The following CENPC variants were observed in gnomAD, a reference collection of about 807,000 sequenced individuals.
CENPC encodes the protein centromere protein C.
CENPC carries 63 observed loss-of-function variants against 112.1 expected under a neutral mutation model. The ratio of observed to expected loss-of-function variants is 0.56; its 90% CI spans 0.46 to 0.69. The LOEUF (loss-of-function observed/expected upper bound fraction) is 0.69, where lower values mean the gene tolerates loss of function less well. Among genes scored for constraint, CENPC ranks in the 30% least tolerant of loss-of-function variants. The pLI, the probability that CENPC is intolerant of heterozygous loss-of-function variation, is 0.00. For synonymous variants in CENPC, 333 were observed against 367.6 expected, an observed-to-expected ratio of 0.91 and a Z score of 1.08; for missense variants, 1,000 against 1,103.8, an observed-to-expected ratio of 0.91 and a Z score of 1.33.
At chr4:67,477,278 C>T (rs1724831245) in intron 17 of CENPC, among the ~76,000 whole-genome samples, 1 of 152,154 alleles carries the variant, frequency 6.6e-6, no homozygotes, top group Non-Finnish European at 1.5e-5. Flanking sequence ...AAACTACAAC[C>T]AAAGACCGTC....
intron 9 of CENPC, chr4:67,510,581 A>C: frequency 6.1e-6 from 1 of 164,328 alleles, no homozygotes; most frequent in Non-Finnish European, 1.3e-5. Context: ...GTGCAAGTAC[A>C]GAGCCCGAAC....
intron 4 of CENPC, among the ~76,000 whole-genome samples, chr4:67,539,415 G>A (rs1170969573): frequency 6.6e-6 from 1 of 152,206 alleles, no homozygotes; most frequent in East Asian, 1.9e-4. Flanking sequence ...GTATAGTTAA[G>A]TCAACCAATA....
At position 67,489,146 on chromosome 4, in the gene CENPC, A is replaced by G. The variant is rs187412797; in HGVS notation, c.2670+821T>C. On this transcript the variant is annotated intron_variant, in intron 17 of 18. Transcript: ENST00000273853. ...TCAAATTCTATATTCTACAATTTTC[A>G]AACTCAGACTACAAATATTTTTTAT... Among the ~76,000 whole-genome samples the G allele has an allele frequency of 5.3e-3, 810 of 151,914 alleles. 24 individuals are homozygous for G. The highest frequency in any genetic ancestry group is 0.046 in the Admixed American group (704 of 15,238).
At chr4:67,541,115 A>G in intron 2 of CENPC, 65 bp from the exon 3 acceptor site, 2 of 941,148 alleles carry the variant, frequency 2.1e-6, no homozygotes, top group Non-Finnish European at 3.3e-6. Context: ...CATCTCTTTG[A>G]AAATTCCACA....
At chr4:67,493,144 C>T in intron 14 of CENPC, 147 bp from the exon 15 acceptor site, 1 of 584,570 alleles carries the variant, frequency 1.7e-6, no homozygotes. Flanking sequence ...AAATACCAAC[C>T]AATTTCATTA....
intron 4 of CENPC, among the ~76,000 whole-genome samples, chr4:67,537,027 T>TAAAAAAA (rs74550952): frequency 1.0e-5 from 1 of 97,194 alleles, no homozygotes; most frequent in Non-Finnish European, 2.1e-5. Context: ...TACCTCTAAT[T>TAAAAAAA]AAAAAAAAAA....
At chr4:67,519,137 T>C (rs1726144028) in intron 6 of CENPC, 80 bp downstream of exon 6, 2 of 1,011,004 alleles carry the variant, frequency 2.0e-6, no homozygotes, top group Non-Finnish European at 2.8e-6. Flanking sequence ...TAAAATAATA[T>C]AACAAGATTG....
chr4:67,480,533 C>CA (rs1391652164), intron 17 of CENPC, among the ~76,000 whole-genome samples: 2 of 150,960 alleles, frequency 1.3e-5, no homozygotes, highest in African/African-American at 4.9e-5. Flanking sequence ...TCAACAACAA[C>CA]AAAAAAGTCC....
At position 67,510,585 on chromosome 4, in the gene CENPC, C is replaced by A. The variant is rs543942521; in HGVS notation, c.1613-1480G>T. ...TTTTCAGGTCTGTGCAAGTACAGAG[C>A]CCGAACTGATACAATCCTGTGACTG... On this transcript the variant is annotated intron_variant, in intron 9 of 18. Coordinates refer to ENST00000273853, the MANE Select transcript of CENPC (RefSeq NM_001812.4). 4.1e-5 allele frequency: 7 copies of A among 171,122 alleles called. 1 individual carries two copies. The South Asian group carries it at 1.1e-3, about 26-fold the overall frequency. 10.6% of individuals were successfully genotyped at this position (171,122 alleles called of 1,614,324 possible). A position where few individuals can be genotyped will look rare whatever the true frequency, so the allele number is the denominator to read the frequency against.
chr4:67,510,623 T>G, intron 9 of CENPC: 1 of 176,976 alleles, frequency 5.7e-6, no homozygotes, highest in South Asian at 1.4e-4. Flanking sequence ...TGCCTTAAAT[T>G]TTTCACCCTA....
At chr4:67,531,259 A>T (rs1726540196) in intron 4 of CENPC, among the ~76,000 whole-genome samples, 1 of 152,226 alleles carries the variant, frequency 6.6e-6, no homozygotes, top group African/African-American at 2.4e-5. Context: ...AAACTACAAT[A>T]ATATAAATTA....
intron 4 of CENPC, among the ~76,000 whole-genome samples, chr4:67,539,429 T>C (rs752819112): frequency 5.9e-5 from 9 of 152,214 alleles, no homozygotes; most frequent in Admixed American, 2.0e-4. Flanking sequence ...ACCAATACTT[T>C]ATTTCTGATC....
At chr4:67,517,204 T>C (rs535697534) in intron 7 of CENPC, among the ~76,000 whole-genome samples, 3 of 151,920 alleles carry the variant, frequency 2.0e-5, no homozygotes, top group African/African-American at 7.3e-5. Flanking sequence ...CTCTGTCACC[T>C]AGGCTAGAGT....
chr4:67,485,532 G>A (rs975269646), intron 17 of CENPC, among the ~76,000 whole-genome samples: 1 of 152,156 alleles, frequency 6.6e-6, no homozygotes, highest in South Asian at 2.1e-4. Flanking sequence ...CCTGAGTGCA[G>A]AGCCTTCAGG....
At chr4:67,483,548 T>TA (rs71219045) in intron 17 of CENPC, among the ~76,000 whole-genome samples, 32,076 of 143,920 alleles carry the variant, frequency 0.22, 4,031 homozygotes, top group Middle Eastern at 0.37. Context: ...ACCACTTATA[T>TA]AAAAAAAAAA....
At chr4:67,508,612 T>G (rs964147579) in intron 10 of CENPC, among the ~76,000 whole-genome samples, 1 of 151,754 alleles carries the variant, frequency 6.6e-6, no homozygotes, top group Non-Finnish European at 1.5e-5. Context: ...CTATTCCCTA[T>G]TTTAATATGA....
chr4:67,533,749 A>G (rs355484), intron 4 of CENPC, among the ~76,000 whole-genome samples: 95,766 of 151,916 alleles, frequency 0.63, 30,452 homozygotes, highest in East Asian at 0.81. Context: ...ACTAAAAAAA[A>G]GGGGCAGGCC....
chr4:67,492,384 G>A (rs778926238), intron 15 of CENPC, 109 bp from the exon 16 acceptor site: 69 of 579,826 alleles, frequency 1.2e-4, no homozygotes, highest in Non-Finnish European at 1.8e-4. Flanking sequence ...ACTGTCAAAC[G>A]CAAAGAAGTC....
rs1725326976 is a variant in CENPC at position 67,493,000 on chromosome 4, G to A, written c.2291-3C>T. 6.6e-7 allele frequency: 1 copy of A among 1,506,328 alleles called. No homozygotes were observed. Among genetic ancestry groups the A allele is most frequent in the South Asian group, 1.3e-5 (1 of 75,512 alleles). 93.3% of individuals were successfully genotyped at this position (1,506,328 alleles called of 1,614,324 possible). On this transcript the variant is annotated splice_polypyrimidine_tract_variant and splice_region_variant and intron_variant, in intron 14 of 18. Coordinates refer to ENST00000273853, the MANE Select transcript of CENPC (RefSeq NM_001812.4). The stretch of plus-strand genomic sequence containing the variant: ...TACTCCACTAATCACGAATCCTCCT[G>A]AAATTTAACAAAAAAAGTAAAATAT...
Sources: gnomAD v4.1 joint callset for allele counts (sites outside exome capture counted in the v4.1 genomes callset) on GRCh38, gnomAD v4.1.1 for gene constraint, MANE v1.5 for transcripts, NCBI Gene and HGNC (gene_info 2026-07-23, HGNC 2026-07-21) for gene names.